The following APPL2 variants were observed in gnomAD, a reference collection of about 807,000 sequenced individuals.
APPL2 encodes DCC-interacting protein 13-beta.
A neutral mutation model predicts 92.7 loss-of-function variants in APPL2; 84 were observed. That is an observed-to-expected ratio of 0.91 (90% CI 0.76 to 1.09). The LOEUF (loss-of-function observed/expected upper bound fraction) is 1.09, where lower values mean the gene tolerates loss of function less well. Ranked by LOEUF, APPL2 falls within the 50% of genes least tolerant of loss-of-function variation. The pLI is 0.00. For synonymous variants in APPL2, 291 were observed against 291.0 expected, an observed-to-expected ratio of 1.00 and a Z score of 0.00; for missense variants, 736 against 824.5, an observed-to-expected ratio of 0.89 and a Z score of 1.31.
intron 9 of APPL2, among the ~76,000 whole-genome samples, chr12:105,199,786 G>C (rs1344613597): frequency 6.6e-6 from 1 of 152,032 alleles, no homozygotes; most frequent in Non-Finnish European, 1.5e-5. Flanking sequence ...ATTGAACTAT[G>C]CTTGAACCCA....
Position 105,211,115 on chromosome 12 carries a change from A to C in APPL2, c.373+115T>G, listed in dbSNP as rs1889174583. ...AAAAGTTCACTGAATTGAACTGCTC[A>C]AAAAGAAAGGCATTTCTCAGCGATC... On this transcript the variant is annotated intron_variant, in intron 5 of 20. Transcript: ENST00000258530. 4 of 763,502 alleles carry C rather than the reference A, an allele frequency of 5.2e-6. No individual in the cohort carries two copies. The East Asian group carries it at 1.1e-4, about 21-fold the overall frequency. The allele number at this position is 763,502 out of a possible 1,614,324, so 47.3% of individuals were successfully genotyped here.
chr12:105,203,587 G>A (rs1182814901), intron 9 of APPL2, 116 bp downstream of exon 9: 20 of 883,364 alleles, frequency 2.3e-5, no homozygotes, highest in Non-Finnish European at 3.5e-5. Context: ...TTTCTGGGGT[G>A]GACAGAGGCT....
rs1167184904 is a variant in APPL2 at position 105,203,690 on chromosome 12, A to G, written c.704+13T>C. 4 of 1,613,454 alleles carry G rather than the reference A, an allele frequency of 2.5e-6. No homozygotes were observed. Among genetic ancestry groups the G allele is most frequent in the African/African-American group, 1.3e-5 (1 of 75,038 alleles). On this transcript the variant is annotated intron_variant, in intron 9 of 20. Coordinates refer to ENST00000258530, the MANE Select transcript of APPL2 (RefSeq NM_018171.5). ...CAAGGGGCACACAAGACCCGGCCGG[A>G]GTGCAGCATTACCTTTGAACCATGT...
intron 1 of APPL2, chr12:105,233,304 C>G: frequency 3.0e-6 from 3 of 985,478 alleles, no homozygotes; most frequent in Non-Finnish European, 3.6e-6. Context: ...GGCTTCTAAA[C>G]AACAATGGAG....
At chr12:105,218,366 G>A (rs1044931686) in intron 2 of APPL2, among the ~76,000 whole-genome samples, 2 of 152,144 alleles carry the variant, frequency 1.3e-5, no homozygotes, top group East Asian at 1.9e-4. Context: ...CATTCAACAA[G>A]GGCACAGTCC....
chr12:105,174,551 T>C (rs1358732109), intron 20 of APPL2, 103 bp from the exon 21 acceptor site: 11 of 1,287,448 alleles, frequency 8.5e-6, no homozygotes, highest in Non-Finnish European at 1.2e-5. Flanking sequence ...GTCTTGTTTC[T>C]CCTGACTCTT....
At chr12:105,197,252 T>C (rs1389769551) in intron 11 of APPL2, among the ~76,000 whole-genome samples, 1 of 152,114 alleles carries the variant, frequency 6.6e-6, no homozygotes, top group Admixed American at 6.5e-5. Flanking sequence ...TACCACCTCT[T>C]TGGGGCCCCT....
intron 17 of APPL2, among the ~76,000 whole-genome samples, chr12:105,179,147 C>A (rs1885860637): frequency 6.6e-6 from 1 of 152,192 alleles, no homozygotes; most frequent in Non-Finnish European, 1.5e-5. Flanking sequence ...GACACCCACC[C>A]ACCAACAGGC....
intron 18 of APPL2, 32 bp from the exon 19 acceptor site, chr12:105,177,048 A>G (rs111815589): frequency 7.4e-6 from 12 of 1,613,036 alleles, no homozygotes; most frequent in Non-Finnish European, 9.3e-6. Flanking sequence ...AACAGATCAT[A>G]CAACTACTAG....
chr12:105,229,199 CA>C lies in APPL2; in HGVS notation c.78del (p.Phe26LeufsTer57), dbSNP rs1232139252. On this transcript the variant is annotated frameshift_variant, in exon 2 of 21. Coordinates refer to ENST00000258530, the MANE Select transcript of APPL2 (RefSeq NM_018171.5). LOFTEE classifies it high-confidence loss of function. ...SPQTRSLLSVFEEDAGTLTDY... is the reference protein window; with the variant it reads ...SPQTRSLLSVXEEDAGTLTDY... The stretch of plus-strand genomic sequence containing the variant: ...TCTGTGAGGGTGCCAGCATCTTCTT[CA>C]AACACGCTCAGTAAAGAGCGAGTCT... 3.1e-6 allele frequency: 5 copies of C among 1,613,644 alleles called. No homozygotes were observed. Among genetic ancestry groups the C allele is most frequent in the Non-Finnish European group, 4.2e-6 (5 of 1,179,876 alleles).
intron 14 of APPL2, among the ~76,000 whole-genome samples, chr12:105,194,013 C>T (rs557957553): frequency 1.4e-4 from 22 of 152,282 alleles, no homozygotes; most frequent in Admixed American, 5.9e-4. Flanking sequence ...TCAGATACCC[C>T]GTGCCCGGCA....
chr12:105,208,248 G>A (rs1385607745), intron 5 of APPL2, 49 bp from the exon 6 acceptor site: 1 of 1,602,074 alleles, frequency 6.2e-7, no homozygotes, highest in African/African-American at 1.3e-5. Flanking sequence ...AATAAAACAT[G>A]CCAACCCAGA....
At position 105,188,423 on chromosome 12, in the gene APPL2, A is replaced by G. The variant is rs990256499; in HGVS notation, c.1484T>C (p.Ile495Thr). The G allele has an allele frequency of 2.5e-6, 4 of 1,614,156 alleles. No homozygotes were observed. The highest frequency in any genetic ancestry group is 2.7e-5 in the African/African-American group (2 of 75,062). ...AEDSLLQQMFIVRFLGSMAVK... is the reference protein window; with the variant it reads ...AEDSLLQQMFTVRFLGSMAVK... ...TGCCATTGATCCCAAAAACCGAACT[A>G]TAAACATCTGCTGCAAAAGAGAATC... Residue 495 changes from isoleucine (I) to threonine (T), a missense_variant, in exon 17 of 21, where the codon ATA (isoleucine) becomes ACA (threonine). Physicochemically the swap from Ile to Thr is moderately conservative, Grantham distance 89. Coordinates refer to ENST00000258530, the MANE Select transcript of APPL2 (RefSeq NM_018171.5).
At chr12:105,203,878 C>T (rs905775028) in intron 8 of APPL2, 93 bp from the exon 9 acceptor site, 36 of 1,140,318 alleles carry the variant, frequency 3.2e-5, no homozygotes, top group South Asian at 1.3e-5. Context: ...GGGCAGCCAT[C>T]ACAGCTGGCT....
chr12:105,186,705 A>ATATATAT (rs1491185586), intron 17 of APPL2, among the ~76,000 whole-genome samples: 48 of 102,910 alleles, frequency 4.7e-4, no homozygotes, highest in African/African-American at 2.1e-3. Flanking sequence ...ATATCATATC[A>ATATATAT]TATATCATAT....
At chr12:105,218,114 A>G (rs1030646474) in intron 2 of APPL2, among the ~76,000 whole-genome samples, 5 of 124,316 alleles carry the variant, frequency 4.0e-5, no homozygotes, top group African/African-American at 1.3e-4. Flanking sequence ...TCTCTAAAAA[A>G]AAATTATAAA....
Position 105,208,207 on chromosome 12 carries a change from G to A in APPL2, c.374-8C>T. 1.2e-6 allele frequency: 2 copies of A among 1,614,154 alleles called. No homozygotes were observed. The highest frequency in any genetic ancestry group is 2.2e-5 in the East Asian group (1 of 44,888). On this transcript the variant is annotated splice_polypyrimidine_tract_variant and splice_region_variant and intron_variant, in intron 5 of 20. Transcript: ENST00000258530. ...CCTTTAAAGTGCTTACTTCTGAAAA[G>A]GAGAAAAGGGACCGTCTTAGAGCAA...
chr12:105,208,497 G>T (rs1888946679), intron 5 of APPL2, among the ~76,000 whole-genome samples: 1 of 152,176 alleles, frequency 6.6e-6, no homozygotes, highest in African/African-American at 2.4e-5. Context: ...ACAGTGTGGT[G>T]GACAGGTACT....
chr12:105,198,007 C>A lies in APPL2; in HGVS notation c.864-54G>T, dbSNP rs749487033. 5.5e-4 allele frequency: 867 copies of A among 1,563,454 alleles called. 2 individuals carry two copies. Among genetic ancestry groups the A allele is most frequent in the Non-Finnish European group, 6.8e-4 (778 of 1,149,172 alleles). On this transcript the variant is annotated intron_variant, in intron 10 of 20. Transcript: ENST00000258530. Reference sequence around the variant, plus strand: ...AGTACCAGAAAGCACCAGCGGCCACCTCCAAGTCTTGCTACCTCGTTATGG... The same window carrying A: ...AGTACCAGAAAGCACCAGCGGCCACATCCAAGTCTTGCTACCTCGTTATGG...
Sources: gnomAD v4.1 joint callset for allele counts (sites outside exome capture counted in the v4.1 genomes callset) on GRCh38, gnomAD v4.1.1 for gene constraint, MANE v1.5 for transcripts, NCBI Gene and HGNC (gene_info 2026-07-23, HGNC 2026-07-21) for gene names.